Variants in HYCC2 observed in about 807,000 individuals in gnomAD.
HYCC2 encodes hyccin PI4KA lipid kinase complex subunit 2, also known as hyccin 2.
chr2:201,069,023 AAAG>A, the HYCC2 span, among the ~76,000 whole-genome samples: 1 of 152,218 alleles, frequency 6.6e-6, no homozygotes, highest in East Asian at 1.9e-4. Context: ...GGGGAAAAAA[AAAG>A]AACAATACAA....
chr2:201,015,355 C>T, the HYCC2 span, among the ~76,000 whole-genome samples: 1 of 151,942 alleles, frequency 6.6e-6, no homozygotes, highest in Non-Finnish European at 1.5e-5. Context: ...CCATGTAAAG[C>T]CCCTAGTATC....
At chr2:201,070,287 C>A in the HYCC2 span, among the ~76,000 whole-genome samples, 3 of 152,184 alleles carry the variant, frequency 2.0e-5, no homozygotes, top group East Asian at 5.8e-4. Context: ...GGTTCAGAGT[C>A]CACTTTTTAA....
At chr2:200,988,259 C>T in the HYCC2 span, 1 of 1,604,418 alleles carries the variant, frequency 6.2e-7, no homozygotes. Context: ...ATTTTGTACT[C>T]ACCTTCTCTT....
chr2:201,042,687 A>AGTCCGGGAGCTGGGGGGCAGCCCCCGC, the HYCC2 span, among the ~76,000 whole-genome samples: 2 of 147,788 alleles, frequency 1.4e-5, no homozygotes, highest in Non-Finnish European at 3.0e-5. Flanking sequence ...GCAGCCGCCC[A>AGTCCGGGAGCTGGGGGGCAGCCCCCGC]GTCCGGGAGC....
chr2:201,044,664 T>C, the HYCC2 span, among the ~76,000 whole-genome samples: 1 of 152,226 alleles, frequency 6.6e-6, no homozygotes, highest in African/African-American at 2.4e-5. Flanking sequence ...AAGGTCTTAC[T>C]TAGAACAGTG....
chr2:201,048,444 G>C, the HYCC2 span, among the ~76,000 whole-genome samples: 1 of 150,926 alleles, frequency 6.6e-6, no homozygotes, highest in Non-Finnish European at 1.5e-5. Context: ...AATATGGCCC[G>C]ACACAAATTT....
chr2:201,045,361 T>C, the HYCC2 span: 1 of 392,328 alleles, frequency 2.5e-6, no homozygotes, highest in Admixed American at 4.4e-5. Flanking sequence ...AGGCAATAAT[T>C]AAGATGTCAT....
chr2:201,070,892 A>T, the HYCC2 span, among the ~76,000 whole-genome samples: 4 of 152,160 alleles, frequency 2.6e-5, no homozygotes, highest in Non-Finnish European at 5.9e-5. Flanking sequence ...CAAAACATGA[A>T]CCTGGCCACA....
the HYCC2 span, among the ~76,000 whole-genome samples, chr2:201,020,526 T>C: frequency 1.3e-5 from 2 of 152,104 alleles, no homozygotes; most frequent in Non-Finnish European, 2.9e-5. Flanking sequence ...TTTTAGAGAA[T>C]AGAATATGGT....
the HYCC2 span, among the ~76,000 whole-genome samples, chr2:201,065,045 T>A: frequency 1.3e-5 from 2 of 152,214 alleles, no homozygotes; most frequent in African/African-American, 4.8e-5. Flanking sequence ...ATCACATAGG[T>A]AGACTCATGT....
chr2:201,007,334 C>A, the HYCC2 span, among the ~76,000 whole-genome samples: 1 of 152,174 alleles, frequency 6.6e-6, no homozygotes, highest in African/African-American at 2.4e-5. Context: ...GTGCTCAGAA[C>A]ACTTACATTA....
the HYCC2 span, among the ~76,000 whole-genome samples, chr2:201,027,582 T>C: frequency 5.9e-5 from 9 of 152,126 alleles, no homozygotes; most frequent in East Asian, 5.8e-4. Context: ...ACTGGCAAAC[T>C]GAATCCAGCA....
the HYCC2 span, chr2:201,045,527 G>A: frequency 2.5e-6 from 1 of 398,280 alleles, no homozygotes; most frequent in Non-Finnish European, 4.4e-6. Flanking sequence ...AAAGGAGGAG[G>A]TGGCACAGGA....
At chr2:201,069,756 T>C in the HYCC2 span, among the ~76,000 whole-genome samples, 1 of 152,194 alleles carries the variant, frequency 6.6e-6, no homozygotes, top group Middle Eastern at 3.4e-3. Flanking sequence ...CAAACATCAA[T>C]AAAAATTTTT....
the HYCC2 span, among the ~76,000 whole-genome samples, chr2:201,014,306 A>C: frequency 1.5e-5 from 1 of 67,672 alleles, no homozygotes; most frequent in Non-Finnish European, 2.8e-5. Flanking sequence ...GCTGGTAAGC[A>C]CTATAGGAAA....
At chr2:200,992,601 TTAGAG>T in the HYCC2 span, among the ~76,000 whole-genome samples, 293 of 152,328 alleles carry the variant, frequency 1.9e-3, 1 homozygote, top group African/African-American at 6.7e-3. Flanking sequence ...ATGCTGATAT[TTAGAG>T]TAATCTTTTC....
chr2:201,027,176 C>T, the HYCC2 span, among the ~76,000 whole-genome samples: 1 of 152,144 alleles, frequency 6.6e-6, no homozygotes, highest in Non-Finnish European at 1.5e-5. Context: ...TCAGAGAATA[C>T]TATAAACAAT....
At chr2:201,006,641 T>C in the HYCC2 span, among the ~76,000 whole-genome samples, 3 of 152,128 alleles carry the variant, frequency 2.0e-5, no homozygotes, top group Admixed American at 2.0e-4. Flanking sequence ...GACTTCTCTC[T>C]GGGAGATATT....
chr2:201,032,781 T>C, the HYCC2 span, among the ~76,000 whole-genome samples: 1 of 152,110 alleles, frequency 6.6e-6, no homozygotes, highest in African/African-American at 2.4e-5. Flanking sequence ...CTCAGCCTCC[T>C]GAGTAGCTGA....
Sources: allele counts gnomAD v4.1 joint callset (sites outside exome capture counted in the v4.1 genomes callset), GRCh38; gene constraint gnomAD v4.1.1; transcripts MANE v1.5; gene names NCBI Gene and HGNC (gene_info 2026-07-23, HGNC 2026-07-21).